Variants in SPAG16 observed in about 807,000 individuals in gnomAD.
SPAG16 encodes the protein sperm associated antigen 16.
In SPAG16, 86 loss-of-function variants were observed where a neutral mutation model predicts 80.4. That is an observed-to-expected ratio of 1.07 (90% CI 0.90 to 1.28). The LOEUF (loss-of-function observed/expected upper bound fraction) is 1.28. Among genes scored for constraint, SPAG16 ranks in the 50% most tolerant of loss-of-function variants. SPAG16 has a pLI of 0.00. For synonymous variants in SPAG16, 294 were observed against 265.9 expected (o/e 1.11, Z -1.03); for missense variants, 870 against 765.3 (o/e 1.14, Z -1.61).
intron 10 of SPAG16, among the ~76,000 whole-genome samples, chr2:213,499,792 C>A (rs999719260): frequency 6.6e-6 from 1 of 152,098 alleles, no homozygotes; most frequent in Non-Finnish European, 1.5e-5. Context: ...AAGAGGATCC[C>A]TTTTTTTCAG....
intron 9 of SPAG16, among the ~76,000 whole-genome samples, chr2:213,379,210 G>A (rs2067042415): frequency 6.6e-6 from 1 of 152,170 alleles, no homozygotes; most frequent in African/African-American, 2.4e-5. Flanking sequence ...GGTGAGTGGT[G>A]CCACTTCCAC....
At chr2:213,842,256 A>G (rs2074397819) in intron 10 of SPAG16, among the ~76,000 whole-genome samples, 1 of 152,180 alleles carries the variant, frequency 6.6e-6, no homozygotes, top group Non-Finnish European at 1.5e-5. Flanking sequence ...AAGTCTAATA[A>G]CATATCGTAG....
chr2:214,407,154 T>G (rs1294663013), intron 15 of SPAG16, among the ~76,000 whole-genome samples: 1 of 152,090 alleles, frequency 6.6e-6, no homozygotes, highest in Non-Finnish European at 1.5e-5. Flanking sequence ...TTGACCATTT[T>G]TATTTTTAAC....
intron 11 of SPAG16, among the ~76,000 whole-genome samples, chr2:213,869,428 A>G (rs905805869): frequency 1.3e-5 from 2 of 151,284 alleles, no homozygotes; most frequent in African/African-American, 4.8e-5. Flanking sequence ...AAAAATTATG[A>G]TGTCCTCTTT....
chr2:213,563,995 G>C (rs1431388969), intron 10 of SPAG16, among the ~76,000 whole-genome samples: 1 of 152,166 alleles, frequency 6.6e-6, no homozygotes, highest in South Asian at 2.1e-4. Flanking sequence ...AGGAGGAAAG[G>C]GAGCTTTGTG....
chr2:213,811,722 TTGAGAACTGAAATTATTTTTGC>T (rs2072166436), intron 10 of SPAG16, among the ~76,000 whole-genome samples: 3 of 152,270 alleles, frequency 2.0e-5, no homozygotes, highest in Non-Finnish European at 4.4e-5. Flanking sequence ...AGGTTAGTGG[TTGAGAACTGAAATTATTTTTGC>T]TGGTATAATT....
intron 12 of SPAG16, among the ~76,000 whole-genome samples, chr2:214,001,361 T>C (rs775007547): frequency 1.3e-5 from 2 of 152,224 alleles, no homozygotes; most frequent in East Asian, 3.8e-4. Context: ...TGGTTTTAAG[T>C]CATGGAATTT....
At chr2:213,530,275 C>T (rs1404925806) in intron 10 of SPAG16, among the ~76,000 whole-genome samples, 1 of 152,186 alleles carries the variant, frequency 6.6e-6, no homozygotes, top group African/African-American at 2.4e-5. Flanking sequence ...ACTGGCAGCA[C>T]AGTGGGTTTG....
At chr2:214,301,310 A>C (rs957076966) in intron 15 of SPAG16, among the ~76,000 whole-genome samples, 4 of 151,574 alleles carry the variant, frequency 2.6e-5, no homozygotes, top group South Asian at 4.2e-4. Flanking sequence ...AAAAAAAAAA[A>C]CTACCTCAAA....
chr2:214,188,741 A>T (rs1344714762), intron 15 of SPAG16, among the ~76,000 whole-genome samples: 2 of 152,162 alleles, frequency 1.3e-5, no homozygotes, highest in Non-Finnish European at 2.9e-5. Context: ...TATTACACTG[A>T]ACTGCTATTT....
At chr2:213,310,286 A>G (rs1244306749) in intron 4 of SPAG16, 109 bp downstream of exon 4, 17 of 644,658 alleles carry the variant, frequency 2.6e-5, no homozygotes, top group Non-Finnish European at 4.0e-5. Flanking sequence ...AAAAATGACT[A>G]GAAACTTTTC....
intron 15 of SPAG16, among the ~76,000 whole-genome samples, chr2:214,209,472 A>C (rs1480076511): frequency 2.0e-5 from 3 of 152,200 alleles, no homozygotes; most frequent in African/African-American, 7.2e-5. Flanking sequence ...AAACTATTCA[A>C]ACAAAAGCAT....
chr2:214,285,729 G>A (rs745823097), intron 15 of SPAG16, among the ~76,000 whole-genome samples: 1 of 151,978 alleles, frequency 6.6e-6, no homozygotes, highest in East Asian at 1.9e-4. Context: ...CTTGAACCTG[G>A]GAGGCGGAGG....
chr2:213,718,365 C>G (rs538836819), intron 10 of SPAG16, among the ~76,000 whole-genome samples: 12 of 152,164 alleles, frequency 7.9e-5, no homozygotes, highest in African/African-American at 2.9e-4. Flanking sequence ...CGGCACCCCC[C>G]CTGCCTGGGC....
At chr2:214,154,478 C>G (rs1429500978) in intron 15 of SPAG16, among the ~76,000 whole-genome samples, 2 of 145,448 alleles carry the variant, frequency 1.4e-5, no homozygotes, top group African/African-American at 5.1e-5. Flanking sequence ...TGACTCCATT[C>G]AAAATGCAAA....
intron 13 of SPAG16, among the ~76,000 whole-genome samples, chr2:214,094,740 A>C (rs1470063170): frequency 1.3e-5 from 2 of 152,102 alleles, no homozygotes; most frequent in Non-Finnish European, 2.9e-5. Flanking sequence ...TAGAACAGGA[A>C]TGTATACAGT....
intron 1 of SPAG16, among the ~76,000 whole-genome samples, chr2:213,288,325 G>A (rs1262391006): frequency 1.3e-5 from 2 of 152,036 alleles, no homozygotes; most frequent in Non-Finnish European, 2.9e-5. Context: ...TATTTTTTGA[G>A]ACGGAGTCTC....
chr2:213,779,008 G>T (rs1369786188), intron 10 of SPAG16, among the ~76,000 whole-genome samples: 2 of 152,112 alleles, frequency 1.3e-5, no homozygotes, highest in East Asian at 1.9e-4. Context: ...CAAAAGTAAA[G>T]TTAAAATTGC....
chr2:213,545,027 G>T (rs1327607017), intron 10 of SPAG16, among the ~76,000 whole-genome samples: 1 of 152,092 alleles, frequency 6.6e-6, no homozygotes, highest in Non-Finnish European at 1.5e-5. Flanking sequence ...TAAGGAGAGA[G>T]ATTGCTGGAT....
Sources: allele counts gnomAD v4.1 joint callset (sites outside exome capture counted in the v4.1 genomes callset), GRCh38; gene constraint gnomAD v4.1.1; transcripts MANE v1.5; gene names NCBI Gene and HGNC (gene_info 2026-07-23, HGNC 2026-07-21).